Variants in UMODL1 observed in about 807,000 individuals in gnomAD.
UMODL1 encodes the protein uromodulin like 1.
In UMODL1, 128 loss-of-function variants were observed where a neutral mutation model predicts 136.3. The observed-to-expected ratio is 0.94, with a 90% CI of 0.81 to 1.09. UMODL1 has a LOEUF of 1.09. Among genes scored for constraint, UMODL1 ranks in the 50% least tolerant of loss-of-function variants. UMODL1 has a pLI of 0.00. For synonymous variants in UMODL1, 721 were observed against 720.0 expected (o/e 1.00, Z -0.02); for missense variants, 1,766 against 1,725.6 (o/e 1.02, Z -0.41).
chr21:42,078,913 A>C (rs1301630101), intron 2 of UMODL1, among the ~76,000 whole-genome samples: 1 of 152,190 alleles, frequency 6.6e-6, no homozygotes, highest in Non-Finnish European at 1.5e-5. Flanking sequence ...CGAGGGCCAC[A>C]CACACAGAGG....
chr21:42,064,821 G>T (rs2066170650), intron 1 of UMODL1, among the ~76,000 whole-genome samples: 1 of 152,162 alleles, frequency 6.6e-6, no homozygotes. Flanking sequence ...CTCCCAAAGT[G>T]CTGGGATTAC....
At chr21:42,135,945 A>G (rs533251179) in intron 21 of UMODL1, among the ~76,000 whole-genome samples, 46 of 152,282 alleles carry the variant, frequency 3.0e-4, no homozygotes, top group African/African-American at 1.1e-3. Flanking sequence ...GGGAATGAAA[A>G]TGGGATCTCA....
upstream of UMODL1, among the ~76,000 whole-genome samples, chr21:42,068,991 C>T (rs9977270): frequency 6.1e-3 from 931 of 152,256 alleles, 3 homozygotes; most frequent in Non-Finnish European, 0.011. This position sits in a 1 kb window ranked among gnomAD's most constrained non-coding sequence, Gnocchi z 5.5. Flanking sequence ...TGCACAGAGG[C>T]CCTGAGCGAA....
chr21:42,108,905 C>G (rs1268262005), intron 9 of UMODL1, among the ~76,000 whole-genome samples: 1 of 64,774 alleles, frequency 1.5e-5, no homozygotes, highest in East Asian at 5.3e-4. Context: ...TGTACTCAGG[C>G]TGACCCCCAC....
intron 13 of UMODL1, among the ~76,000 whole-genome samples, chr21:42,115,106 AG>A (rs1212756084): frequency 2.6e-5 from 4 of 152,226 alleles, no homozygotes; most frequent in Non-Finnish European, 4.4e-5. Flanking sequence ...ATGGACTCTA[AG>A]CCCCCTGAGG....
chr21:42,087,390 A>G (rs1367531293), intron 4 of UMODL1, among the ~76,000 whole-genome samples: 1 of 152,158 alleles, frequency 6.6e-6, no homozygotes, highest in Admixed American at 6.5e-5. Flanking sequence ...CCTCCTTTGG[A>G]GTTCCCAGTG....
intron 9 of UMODL1, 142 bp downstream of exon 9, chr21:42,104,229 G>C (rs1169289056): frequency 9.6e-6 from 9 of 940,256 alleles, no homozygotes; most frequent in Non-Finnish European, 1.4e-5. Flanking sequence ...ACCGGAACCA[G>C]GGGCCAGGGC....
chr21:42,098,550 C>T lies in UMODL1; in HGVS notation c.932-376C>T, dbSNP rs151159487. Among the ~76,000 whole-genome samples the T allele has an allele frequency of 5.7e-3, 870 of 152,066 alleles. 2 individuals are homozygous for T. The highest frequency in any genetic ancestry group is 9.8e-3 in the Non-Finnish European group (667 of 68,010). ...TTGGGAGGCTGAGGTGGGTGGATCA[C>T]GAGGTCAGGAGTTCAAGACCATCCT... On this transcript the variant is annotated intron_variant, in intron 6 of 22. Transcript: ENST00000408910.
chr21:42,095,755 A>G (rs1480410907), intron 6 of UMODL1, among the ~76,000 whole-genome samples: 1 of 152,168 alleles, frequency 6.6e-6, no homozygotes, highest in African/African-American at 2.4e-5. Context: ...GCCATTTACT[A>G]CCTACTTGAC....
intron 8 of UMODL1, 136 bp downstream of exon 8, chr21:42,102,414 C>T: frequency 1.6e-6 from 1 of 626,780 alleles, no homozygotes; most frequent in Non-Finnish European, 2.7e-6. Flanking sequence ...TCAGGGGAGG[C>T]CAAACCCAAA....
At chr21:42,108,481 C>A (rs2066756383) in intron 9 of UMODL1, 2 of 448,870 alleles carry the variant, frequency 4.5e-6, no homozygotes, top group South Asian at 3.2e-5. Flanking sequence ...CAGAAAAAAA[C>A]CCACAAAACG....
chr21:42,108,925 G>T (rs1181524891), intron 9 of UMODL1, among the ~76,000 whole-genome samples: 2 of 82,184 alleles, frequency 2.4e-5, no homozygotes, highest in African/African-American at 8.7e-5. Flanking sequence ...CCCCCCCCAC[G>T]AGAGAAGTCC....
chr21:42,127,899 C>T (rs917464329), intron 20 of UMODL1, 68 bp downstream of exon 20: 3 of 1,601,310 alleles, frequency 1.9e-6, no homozygotes, highest in Admixed American at 1.7e-5. Context: ...GTTCGAGGCT[C>T]TGTTAATAAA....
chr21:42,118,691 C>T (rs76548124), intron 14 of UMODL1, among the ~76,000 whole-genome samples: 8,137 of 152,046 alleles, frequency 0.054, 283 homozygotes, highest in East Asian at 0.18. Flanking sequence ...GAGAAGGCAG[C>T]GGGAAGTGGT....
intron 10 of UMODL1, 54 bp from the exon 11 acceptor site, chr21:42,110,826 C>T (rs1275613835): frequency 2.7e-6 from 4 of 1,506,510 alleles, no homozygotes; most frequent in East Asian, 4.6e-5. Flanking sequence ...CCTGGGAGGG[C>T]TCTTACTCGT....
intron 21 of UMODL1, among the ~76,000 whole-genome samples, chr21:42,132,539 CATCT>C (rs893789616): frequency 5.3e-5 from 8 of 152,004 alleles, no homozygotes; most frequent in Admixed American, 3.3e-4. Flanking sequence ...TCCATCCATC[CATCT>C]ATTCATCCAT....
chr21:42,072,981 A>G (rs138878076), intron 1 of UMODL1, among the ~76,000 whole-genome samples: 61 of 151,726 alleles, frequency 4.0e-4, no homozygotes, highest in Non-Finnish European at 5.4e-4. Flanking sequence ...AACAGGGCAA[A>G]CATCTCCCGG....
chr21:42,075,245 G>T (rs541943921), intron 1 of UMODL1, among the ~76,000 whole-genome samples: 27 of 148,104 alleles, frequency 1.8e-4, no homozygotes, highest in Non-Finnish European at 2.4e-4. Flanking sequence ...TGGAGATGGG[G>T]GGGGGGTTTC....
chr21:42,096,009 A>G (rs959420587), intron 6 of UMODL1, among the ~76,000 whole-genome samples: 2 of 152,186 alleles, frequency 1.3e-5, no homozygotes, highest in Non-Finnish European at 2.9e-5. Flanking sequence ...TACCGCTGCT[A>G]TAATGCATGC....
Sources: gnomAD v4.1 joint callset for allele counts (sites outside exome capture counted in the v4.1 genomes callset) on GRCh38, gnomAD v4.1.1 for gene constraint, Gnocchi (gnomAD v3.1) non-coding constraint, MANE v1.5 for transcripts, NCBI Gene and HGNC (gene_info 2026-07-23, HGNC 2026-07-21) for gene names.